The following DIAPH3 variants were observed in gnomAD, a reference collection of about 807,000 sequenced individuals.
DIAPH3 encodes protein diaphanous homolog 3.
DIAPH3 carries 117 observed loss-of-function variants against 144.3 expected under a neutral mutation model. That is an observed-to-expected ratio of 0.81 (90% CI 0.70 to 0.95). DIAPH3 has a LOEUF of 0.95. Among genes scored for constraint, DIAPH3 ranks in the 40% least tolerant of loss-of-function variants. The pLI is 0.00. For synonymous variants in DIAPH3, 519 were observed against 488.9 expected, an observed-to-expected ratio of 1.06 and a Z score of -0.81; for missense variants, 1,421 against 1,412.7, an observed-to-expected ratio of 1.01 and a Z score of -0.09.
intron 24 of DIAPH3, among the ~76,000 whole-genome samples, chr13:59,818,810 C>A (rs1566358825): frequency 6.6e-6 from 1 of 151,862 alleles, no homozygotes; most frequent in Non-Finnish European, 1.5e-5. Flanking sequence ...CTTAAGTGAG[C>A]ATAACCTGCT....
intron 12 of DIAPH3, among the ~76,000 whole-genome samples, chr13:59,987,499 A>G (rs970336936): frequency 2.4e-5 from 3 of 125,852 alleles, no homozygotes; most frequent in Non-Finnish European, 4.9e-5. Context: ...AGAAAAAAAA[A>G]AAAGACCAAA....
chr13:59,839,235 C>T, intron 23 of DIAPH3, 89 bp downstream of exon 23: 2 of 1,532,188 alleles, frequency 1.3e-6, no homozygotes, highest in Non-Finnish European at 1.8e-6. Flanking sequence ...ACAGAATGAT[C>T]TCTGGTTACA....
At position 59,970,023 on chromosome 13, in the gene DIAPH3, C is replaced by G; in HGVS notation, c.1995G>C (p.Trp665Cys). Residue 665 changes from tryptophan to cysteine, a missense_variant, in exon 17 of 28, where the codon TGG (tryptophan) becomes TGC (cysteine). Coordinates refer to ENST00000400324, the MANE Select transcript of DIAPH3 (RefSeq NM_001042517.2). ...CATACTTATTTTCATTTACTTTTAT[C>G]CAGAAACAGTTTTCAGTCATTTCAT... ...RPHEMTENCFWIKVNENKYEN... is the reference protein window; with the variant it reads ...RPHEMTENCFCIKVNENKYEN... 6.2e-7 allele frequency: 1 copy of G among 1,607,112 alleles called. No individual in the cohort carries two copies. The highest frequency in any genetic ancestry group is 8.5e-7 in the Non-Finnish European group (1 of 1,175,702).
At chr13:59,683,714 G>C (rs1290619279) in intron 27 of DIAPH3, among the ~76,000 whole-genome samples, 1 of 152,202 alleles carries the variant, frequency 6.6e-6, no homozygotes, top group Non-Finnish European at 1.5e-5. Flanking sequence ...GTTTGTCCCA[G>C]ATGTCATTAC....
At chr13:60,134,098 C>T (rs1450040442) in intron 1 of DIAPH3, among the ~76,000 whole-genome samples, 1 of 152,204 alleles carries the variant, frequency 6.6e-6, no homozygotes, top group Non-Finnish European at 1.5e-5. Context: ...CCCTTTCTTT[C>T]ACCAAGATGT....
At chr13:59,879,122 T>A (rs1379353096) in intron 21 of DIAPH3, 107 bp downstream of exon 21, 10 of 1,495,354 alleles carry the variant, frequency 6.7e-6, no homozygotes, top group Non-Finnish European at 9.0e-6. Flanking sequence ...TTCAAGTTCT[T>A]GATAATGAGC....
intron 22 of DIAPH3, among the ~76,000 whole-genome samples, chr13:59,842,411 AGATT>A (rs924764032): frequency 6.6e-6 from 1 of 152,288 alleles, no homozygotes; most frequent in African/African-American, 2.4e-5. Flanking sequence ...GAGGGAACAT[AGATT>A]GTTTGATTTT....
At chr13:59,863,114 G>T (rs932946013) in intron 21 of DIAPH3, among the ~76,000 whole-genome samples, 1 of 152,106 alleles carries the variant, frequency 6.6e-6, no homozygotes, top group African/African-American at 2.4e-5. Flanking sequence ...ACAGGGAGAG[G>T]TAGTTAAGCT....
At chr13:59,854,912 G>A (rs1034442978) in intron 22 of DIAPH3, among the ~76,000 whole-genome samples, 2 of 152,116 alleles carry the variant, frequency 1.3e-5, no homozygotes, top group African/African-American at 4.8e-5. Flanking sequence ...TTCCTGATGT[G>A]GTTTTCTTCT....
chr13:59,995,721 G>C lies in DIAPH3; in HGVS notation c.1015-3138C>G, dbSNP rs148388550. 3.7e-3 allele frequency among the ~76,000 whole-genome samples: 565 copies of C among 152,102 alleles called. 2 individuals are homozygous for C. Among genetic ancestry groups the C allele is most frequent in the African/African-American group, 0.012 (498 of 41,540 alleles). The stretch of plus-strand genomic sequence containing the variant: ...ACGGGAGAAAACAGGCTTGGGAAGA[G>C]AGAGGAAATCAGTTTTGGAGATGAT... On this transcript the variant is annotated intron_variant, in intron 9 of 27. Transcript: ENST00000400324.
chr13:59,790,613 G>A (rs2039278560), intron 25 of DIAPH3, among the ~76,000 whole-genome samples: 1 of 152,130 alleles, frequency 6.6e-6, no homozygotes, highest in Non-Finnish European at 1.5e-5. Flanking sequence ...ATTAAACACA[G>A]AGGAAATTTT....
At position 59,869,813 on chromosome 13, in the gene DIAPH3, T is replaced by C. The variant is rs145807895; in HGVS notation, c.2608-8277A>G. 8.4e-3 allele frequency among the ~76,000 whole-genome samples: 1,277 copies of C among 152,310 alleles called. 8 individuals are homozygous for C. Among genetic ancestry groups the C allele is most frequent in the Non-Finnish European group, 0.014 (929 of 68,016 alleles). ...ACGTTTTGATGGGTATCTCTTCACA[T>C]CTTTTGATCATTTCTTTAAACTGGG... On this transcript the variant is annotated intron_variant, in intron 21 of 27. Coordinates refer to ENST00000400324, the MANE Select transcript of DIAPH3 (RefSeq NM_001042517.2).
intron 13 of DIAPH3, among the ~76,000 whole-genome samples, chr13:59,981,922 C>T (rs892641986): frequency 1.8e-4 from 27 of 151,224 alleles, no homozygotes; most frequent in Admixed American, 4.0e-4. Context: ...TTCTCTAATC[C>T]TAATTTTTGA....
At chr13:59,747,193 C>T (rs1431262887) in intron 27 of DIAPH3, among the ~76,000 whole-genome samples, 1 of 151,746 alleles carries the variant, frequency 6.6e-6, no homozygotes, top group Non-Finnish European at 1.5e-5. Context: ...TGCCAAGTAC[C>T]AATATGAAAA....
At chr13:59,917,956 T>C (rs1056600418) in intron 18 of DIAPH3, among the ~76,000 whole-genome samples, 4 of 135,034 alleles carry the variant, frequency 3.0e-5, no homozygotes, top group African/African-American at 1.1e-4. Flanking sequence ...GACAACTCCG[T>C]AGTAGACAAT....
At chr13:59,954,399 C>A in intron 17 of DIAPH3, among the ~76,000 whole-genome samples, 1 of 152,228 alleles carries the variant, frequency 6.6e-6, no homozygotes, top group Non-Finnish European at 1.5e-5. Context: ...GGCCTTATAA[C>A]CCCAATATAA....
At chr13:60,111,453 C>T (rs1173534218) in intron 3 of DIAPH3, among the ~76,000 whole-genome samples, 8 of 152,204 alleles carry the variant, frequency 5.3e-5, no homozygotes, top group Admixed American at 4.6e-4. Context: ...GGGTCCCCAA[C>T]CCCGTTAGCA....
chr13:59,802,444 ATTAT>A (rs151145366), intron 25 of DIAPH3, among the ~76,000 whole-genome samples: 300 of 151,320 alleles, frequency 2.0e-3, no homozygotes, highest in African/African-American at 6.5e-3. Flanking sequence ...CTTATCAATT[ATTAT>A]TTATTTATCA....
rs920335428 is a variant in DIAPH3, at chr13:60,163,699, G to A, written c.68C>T (p.Ser23Phe). The change falls in exon 1 of 28, where the codon TCC (serine) becomes TTC (phenylalanine). Residue 23 changes from serine to phenylalanine, a missense_variant. Coordinates refer to ENST00000400324, the MANE Select transcript of DIAPH3 (RefSeq NM_001042517.2). ...CCGGCAGCCGCGGAGAGAGGCTGAG[G>A]AAGGGTAGGGAGTCCCAGCGGCTGA... ...QGSAAGTPYPSSASLRGCRES... is the reference protein window; with the variant it reads ...QGSAAGTPYPFSASLRGCRES... The A allele has an allele frequency of 3.7e-6, 6 of 1,607,878 alleles. No homozygotes were observed. The African/African-American group carries it at 8.0e-5, about 21-fold the overall frequency.
Sources: allele counts gnomAD v4.1 joint callset (sites outside exome capture counted in the v4.1 genomes callset), GRCh38; gene constraint gnomAD v4.1.1; transcripts MANE v1.5; gene names NCBI Gene and HGNC (gene_info 2026-07-23, HGNC 2026-07-21).